Variants in DOCK1 observed in about 807,000 individuals in gnomAD.
DOCK1 encodes the protein dedicator of cytokinesis 1.
A neutral mutation model predicts 262.7 loss-of-function variants in DOCK1; 138 were observed. The observed-to-expected ratio is 0.53, with a 90% confidence interval of 0.46 to 0.61. DOCK1 has a LOEUF of 0.61. DOCK1 is among the 20% of genes least tolerant of loss of function. The probability of loss-of-function intolerance (pLI) is 0.00; values close to 1 mark genes in which losing one functional copy is unlikely to be tolerated. For synonymous variants in DOCK1, 866 were observed against 867.4 expected, an observed-to-expected ratio of 1.00 and a Z score of 0.03; for missense variants, 1,908 against 2,370.7, an observed-to-expected ratio of 0.80 and a Z score of 4.05.
At chr10:126,952,583 A>G (rs1184244568) in intron 1 of DOCK1, among the ~76,000 whole-genome samples, 2 of 150,304 alleles carry the variant, frequency 1.3e-5, no homozygotes, top group Admixed American at 1.3e-4. Flanking sequence ...GTGATGTAGT[A>G]TTGTTGGTAC....
intron 27 of DOCK1, among the ~76,000 whole-genome samples, chr10:127,229,715 A>T (rs1020412424): frequency 6.6e-6 from 1 of 152,158 alleles, no homozygotes; most frequent in African/African-American, 2.4e-5. Flanking sequence ...TGTCTTCAAC[A>T]TATTGATTTC....
intron 1 of DOCK1, among the ~76,000 whole-genome samples, chr10:126,943,017 G>T (rs2035136499): frequency 6.6e-6 from 1 of 151,998 alleles, no homozygotes; most frequent in South Asian, 2.1e-4. Context: ...AGCACTTTGG[G>T]AGGCTGAGGC....
chr10:127,020,346 G>A (rs2042322830), intron 13 of DOCK1, among the ~76,000 whole-genome samples: 1 of 152,152 alleles, frequency 6.6e-6, no homozygotes, highest in African/African-American at 2.4e-5. Context: ...GGGAAACTCA[G>A]AAGCTTCCAG....
In DOCK1 at chr10:127,052,795, C is replaced by T; in HGVS notation, c.2316C>T (p.Arg772=). 1 of 1,613,410 alleles carries T rather than the reference C, an allele frequency of 6.2e-7. No homozygotes were observed. The highest frequency in any genetic ancestry group is 8.5e-7 in the Non-Finnish European group (1 of 1,179,566). Residue 772 remains arginine, a synonymous_variant, in exon 22 of 52, where the codon CGC becomes CGT. Coordinates refer to ENST00000623213, the MANE Select transcript of DOCK1 (RefSeq NM_001290223.2). ...ALESIFKFIV[R]SRILFNQLYE... ...AATCCATCTTCAAGTTCATCGTGCGCTCCAGGATCCTGTTCAATCAGTGCG... is the reference window on the plus strand; with the variant it reads ...AATCCATCTTCAAGTTCATCGTGCGTTCCAGGATCCTGTTCAATCAGTGCG...
chr10:127,004,750 C>G (rs1032154088), intron 10 of DOCK1, among the ~76,000 whole-genome samples: 6 of 128,072 alleles, frequency 4.7e-5, no homozygotes, highest in Admixed American at 1.6e-4. Context: ...TCCTGTCCCC[C>G]CCAACGGCCC....
In DOCK1 at chr10:127,409,176, A is replaced by C; in HGVS notation, c.4262A>C (p.Gln1421Pro). Residue 1421 changes from glutamine to proline, a missense_variant and splice_region_variant, in exon 41 of 52, where the codon CAG becomes CCG. Transcript: ENST00000623213. ...PGDDIKNSPGQYIQCFTVKPK... is the reference protein window; with the variant it reads ...PGDDIKNSPGPYIQCFTVKPK... ...GACGATATTAAAAACTCTCCTGGCC[A>C]GTGTATCCTTTAAGACAACCTCATC... is the stretch of plus-strand genomic sequence containing the variant. The C allele has an allele frequency of 6.2e-7, 1 of 1,613,696 alleles. No homozygotes were observed. Among genetic ancestry groups the C allele is most frequent in the Non-Finnish European group, 8.5e-7 (1 of 1,179,804 alleles).
chr10:126,972,177 A>G (rs1225211606), intron 2 of DOCK1, among the ~76,000 whole-genome samples: 1 of 151,964 alleles, frequency 6.6e-6, no homozygotes, highest in African/African-American at 2.4e-5. Context: ...CGGCCTCCCA[A>G]AGTGCTAGGA....
At chr10:127,093,776 C>T (rs1483595064) in intron 23 of DOCK1, among the ~76,000 whole-genome samples, 2 of 152,062 alleles carry the variant, frequency 1.3e-5, no homozygotes, top group African/African-American at 2.4e-5. Context: ...ACCAGAATGT[C>T]CTAGTCCATT....
chr10:127,204,180 A>G (rs1278636146), intron 27 of DOCK1, among the ~76,000 whole-genome samples: 1 of 152,136 alleles, frequency 6.6e-6, no homozygotes, highest in Non-Finnish European at 1.5e-5. Flanking sequence ...CAGAATATTC[A>G]TTTCATTTAA....
In DOCK1 at chr10:127,112,292, G is replaced by A. The variant is rs149134580; in HGVS notation, c.2623+1938G>A. ...CTCCCAGAGTGCTGGGATTACAGGC[G>A]TGAGCCACCGAGCCTGACCCCAGAT... On this transcript the variant is annotated intron_variant, in intron 25 of 51. Coordinates refer to ENST00000623213, the MANE Select transcript of DOCK1 (RefSeq NM_001290223.2). Among the ~76,000 whole-genome samples, 899 of 152,242 alleles carry A rather than the reference G, an allele frequency of 5.9e-3. 6 individuals carry two copies. The highest frequency in any genetic ancestry group is 0.021 in the African/African-American group (864 of 41,544).
At chr10:127,281,850 A>G (rs1166010384) in intron 29 of DOCK1, among the ~76,000 whole-genome samples, 1 of 152,106 alleles carries the variant, frequency 6.6e-6, no homozygotes, top group Non-Finnish European at 1.5e-5. Context: ...GGCACCACCC[A>G]TGGTACAGGG....
At position 127,438,882 on chromosome 10, in the gene DOCK1, G is replaced by C. The variant is rs563470148; in HGVS notation, c.5061-145G>C. ...AACACAGTCCTTGCATCTGGTGACT[G>C]TGTATCTGAAGTCACCCTTGGCCTC... On this transcript the variant is annotated intron_variant, in intron 48 of 51. Transcript: ENST00000623213. 55 of 744,398 alleles carry C rather than the reference G, an allele frequency of 7.4e-5. 3 individuals carry two copies. In the South Asian group the frequency reaches 1.1e-3, roughly 14 times the overall value. The allele number at this position is 744,398 out of a possible 1,614,324, so 46.1% of individuals were successfully genotyped here. A position where few individuals can be genotyped will look rare whatever the true frequency, so the allele number is the denominator to read the frequency against.
At chr10:127,247,718 T>C (rs991083416) in intron 27 of DOCK1, among the ~76,000 whole-genome samples, 1 of 152,260 alleles carries the variant, frequency 6.6e-6, no homozygotes, top group African/African-American at 2.4e-5. Context: ...TTCATGTTAC[T>C]GTGTACTCAT....
At chr10:127,116,485 G>A (rs2049186581) in intron 25 of DOCK1, among the ~76,000 whole-genome samples, 1 of 152,090 alleles carries the variant, frequency 6.6e-6, no homozygotes, top group South Asian at 2.1e-4. Flanking sequence ...ATTGAAGTCA[G>A]ATTTCTACAC....
rs758056169 is a variant in DOCK1 at position 127,012,846 on chromosome 10, G to A, written c.1201+472G>A. On this transcript the variant is annotated intron_variant, in intron 12 of 51. Coordinates refer to ENST00000623213, the MANE Select transcript of DOCK1 (RefSeq NM_001290223.2). The surrounding 1 kb of genome is among the most constrained non-coding windows in gnomAD (Gnocchi z 4.0). ...TGACACGTTTCTGAGCAGCTGACCT[G>A]CTGCTGGCAGAAGGAATGAATCAGT... is the stretch of plus-strand genomic sequence containing the variant. Among the ~76,000 whole-genome samples the A allele has an allele frequency of 3.3e-5, 5 of 152,194 alleles. No homozygotes were observed. The highest frequency in any genetic ancestry group is 4.4e-5 in the Non-Finnish European group (3 of 68,036).
intron 43 of DOCK1, 120 bp from the exon 44 acceptor site, chr10:127,415,032 C>A: frequency 2.3e-6 from 2 of 873,674 alleles, no homozygotes; most frequent in Non-Finnish European, 1.8e-6. Flanking sequence ...GCACCACAGA[C>A]CCTGTCCTGC....
At chr10:127,339,695 TTGTGTG>T (rs112206811) in intron 30 of DOCK1, among the ~76,000 whole-genome samples, 15 of 109,854 alleles carry the variant, frequency 1.4e-4, no homozygotes, top group South Asian at 4.0e-4. Flanking sequence ...CTGGCCTGAT[TTGTGTG>T]TGTGTGTGTG....
In DOCK1 at chr10:127,138,047, T is replaced by C. The variant is rs188665646; in HGVS notation, c.2847+10283T>C. On this transcript the variant is annotated intron_variant, in intron 27 of 51. Coordinates refer to ENST00000623213, the MANE Select transcript of DOCK1 (RefSeq NM_001290223.2). ...TAGAAAAGAGAGAGAGTGAAGACTT[T>C]AGCATTTGATCTTTTCCATATGAAG... 8 of 1,573,004 alleles carry C rather than the reference T, an allele frequency of 5.1e-6. No individual in the cohort carries two copies. The East Asian group carries it at 1.6e-4, about 31-fold the overall frequency.
chr10:127,275,980 G>T (rs920353438), intron 29 of DOCK1, among the ~76,000 whole-genome samples: 2 of 152,254 alleles, frequency 1.3e-5, no homozygotes, highest in African/African-American at 4.8e-5. Context: ...TGCGGCTCAT[G>T]CTGCCTTATT....
Sources: allele counts gnomAD v4.1 joint callset (sites outside exome capture counted in the v4.1 genomes callset), GRCh38; gene constraint gnomAD v4.1.1; non-coding constraint Gnocchi (gnomAD v3.1); transcripts MANE v1.5; gene names NCBI Gene and HGNC (gene_info 2026-07-23, HGNC 2026-07-21).